Variants in MPP2 observed in about 807,000 individuals in gnomAD.
The protein encoded by MPP2 is MAGUK p55 subfamily member 2.
Under a neutral mutation model 58.5 loss-of-function variants are expected in MPP2, and 42 were observed. The ratio of observed to expected loss-of-function variants is 0.72; its 90% CI spans 0.56 to 0.93. The LOEUF (loss-of-function observed/expected upper bound fraction) is 0.93. Ranked by LOEUF, MPP2 falls within the 40% of genes least tolerant of loss-of-function variation. The pLI is 0.00. For synonymous variants in MPP2, 300 were observed against 307.8 expected (o/e 0.97, Z 0.26); for missense variants, 632 against 760.4 (o/e 0.83, Z 1.99).
intron 2 of MPP2, 87 bp from the exon 3 acceptor site, chr17:43,898,467 C>A (rs1006536702): frequency 1.3e-5 from 8 of 607,234 alleles, no homozygotes; most frequent in Middle Eastern, 4.0e-4. Flanking sequence ...CACTTCCCCA[C>A]CCCCATGTCC....
intron 3 of MPP2, among the ~76,000 whole-genome samples, chr17:43,891,464 G>A (rs371122967): frequency 1.3e-5 from 2 of 151,296 alleles, no homozygotes; most frequent in South Asian, 2.1e-4. Context: ...GCAGTGAGCC[G>A]AGATTGCACC....
intron 3 of MPP2, among the ~76,000 whole-genome samples, chr17:43,896,112 G>A (rs573133803): frequency 3.0e-4 from 45 of 152,114 alleles, no homozygotes; most frequent in African/African-American, 1.1e-3. Flanking sequence ...CAGAGTCCCC[G>A]CTCTACAGAA....
chr17:43,879,687 C>A lies in MPP2; in HGVS notation c.1353+95G>T. The A allele has an allele frequency of 7.2e-7, 1 of 1,384,074 alleles. No homozygotes were observed. The highest frequency in any genetic ancestry group is 1.0e-6 in the Non-Finnish European group (1 of 1,003,918). 85.7% of individuals were successfully genotyped at this position (1,384,074 alleles called of 1,614,324 possible). ...GTTGAGGGCAAAGGGGGTACATGGG[C>A]GTGTTCAGGTGACAGGTGTCTGGAA... On this transcript the variant is annotated intron_variant, in intron 11 of 12. Coordinates refer to ENST00000269095, the MANE Select transcript of MPP2 (RefSeq NM_005374.5). This position sits in a 1 kb window ranked among gnomAD's most constrained non-coding sequence, Gnocchi z 4.1.
chr17:43,907,690 G>C (rs2048348299), upstream of MPP2: 1 of 985,710 alleles, frequency 1.0e-6, no homozygotes, highest in South Asian at 4.7e-5. Flanking sequence ...CAGCCAGGTA[G>C]TGGTTTGGGA....
At chr17:43,881,060 G>T in intron 9 of MPP2, 30 bp downstream of exon 9, 1 of 1,611,200 alleles carries the variant, frequency 6.2e-7, no homozygotes, top group South Asian at 1.1e-5. Context: ...TGTTAGAGGA[G>T]GGTAAGGGAG....
rs780418329 is a variant in MPP2, at chr17:43,881,157, C to T, written c.921G>A (p.Gly307=). Residue 307 remains glycine, a splice_region_variant and synonymous_variant, in exon 9 of 13, where the codon GGG becomes GGA. Transcript: ENST00000269095. ...KRDLELTPNS[G]TLCGSLSGKK... Reference sequence around the variant, plus strand: ...TTCCTGAAAGGCTGCCGCATAGGGTCCCTGGCCATAGGGAGATGGGTGAGT... The same window carrying T: ...TTCCTGAAAGGCTGCCGCATAGGGTTCCTGGCCATAGGGAGATGGGTGAGT... 4.3e-6 allele frequency: 7 copies of T among 1,614,016 alleles called. No homozygotes were observed. The Admixed American group carries it at 1.2e-4, about 27-fold the overall frequency.
rs1019886813 is a variant in MPP2 at position 43,876,452 on chromosome 17, TGGCAGGGGGGCATTTAG to T, written c.*1338_*1354del. ...TTACAAAACTGCCCTCCCCAAGTTA[TGGCAGGGGGGCATTTAG>T]GGTAGGGGGACAATAAGACAAGGGA... is the stretch of plus-strand genomic sequence containing the variant. On this transcript the variant is annotated 3_prime_UTR_variant, in exon 13 of 13. Transcript: ENST00000269095. The T allele has an allele frequency of 6.6e-6, 1 of 152,192 alleles. No homozygotes were observed. The highest frequency in any genetic ancestry group is 2.4e-5 in the African/African-American group (1 of 41,426). 9.4% of individuals were successfully genotyped at this position (152,192 alleles called of 1,614,324 possible).
At chr17:43,897,074 C>G (rs934531660) in intron 3 of MPP2, among the ~76,000 whole-genome samples, 11 of 152,202 alleles carry the variant, frequency 7.2e-5, no homozygotes, top group Non-Finnish European at 4.4e-5. Flanking sequence ...GCATCTTATA[C>G]TCAATCCACT....
intron 3 of MPP2, among the ~76,000 whole-genome samples, chr17:43,889,338 T>TC (rs759546386): frequency 1.0e-4 from 15 of 150,608 alleles, no homozygotes; most frequent in Non-Finnish European, 2.1e-4. Flanking sequence ...CACTCACCCT[T>TC]CCCACTTGCA....
Position 43,875,655 on chromosome 17 carries a change from G to C in MPP2, c.*2152C>G, listed in dbSNP as rs991573393. 3 of 151,626 alleles carry C rather than the reference G, an allele frequency of 2.0e-5. No individual in the cohort carries two copies. Among genetic ancestry groups the C allele is most frequent in the African/African-American group, 7.4e-5 (3 of 40,768 alleles). The allele number at this position is 151,626 out of a possible 1,614,324, so 9.4% of individuals were successfully genotyped here. On this transcript the variant is annotated 3_prime_UTR_variant, in exon 13 of 13. Transcript: ENST00000269095. ...CAGCCTCTGCTAGGTACCTGGGAGGGCTGTGGAGTGAGGGCTCAGGCAGGG... is the reference window on the plus strand; with the variant it reads ...CAGCCTCTGCTAGGTACCTGGGAGGCCTGTGGAGTGAGGGCTCAGGCAGGG...
At chr17:43,898,460 T>G in intron 2 of MPP2, 80 bp from the exon 3 acceptor site, 12 of 772,956 alleles carry the variant, frequency 1.6e-5, no homozygotes, top group East Asian at 3.1e-5. Context: ...TACTTGCCAC[T>G]TCCCCACCCC....
rs142695047 is a variant in MPP2, at chr17:43,901,300, G to C, written c.32-2920C>G. The stretch of plus-strand genomic sequence containing the variant: ...CCTGCTTACCCCTCGCCTCACAGCA[G>C]CTTCTTCCCCTCCCCCATCTCCCAT... On this transcript the variant is annotated intron_variant, in intron 2 of 12. Transcript: ENST00000269095. 9.4e-3 allele frequency: 9,236 copies of C among 985,518 alleles called. 50 individuals carry two copies. The highest frequency in any genetic ancestry group is 0.01 in the Non-Finnish European group (8,600 of 829,978). 61.0% of individuals were successfully genotyped at this position (985,518 alleles called of 1,614,324 possible).
At chr17:43,896,875 T>C (rs1343867051) in intron 3 of MPP2, among the ~76,000 whole-genome samples, 1 of 151,374 alleles carries the variant, frequency 6.6e-6, no homozygotes, top group Non-Finnish European at 1.5e-5. Context: ...TTCCCACAGC[T>C]CCCAGCCTTG....
upstream of MPP2, chr17:43,907,567 C>G (rs1005668573): frequency 1.5e-5 from 15 of 985,376 alleles, no homozygotes; most frequent in Non-Finnish European, 1.7e-5. Context: ...GCTCTTAAAG[C>G]GGCAAGGCCT....
intron 3 of MPP2, among the ~76,000 whole-genome samples, chr17:43,894,444 TACACACACAC>T (rs201714611): frequency 2.2e-4 from 18 of 81,280 alleles, no homozygotes; most frequent in Admixed American, 3.2e-4. Flanking sequence ...TATATATATA[TACACACACAC>T]ACACACACAA....
intron 2 of MPP2, chr17:43,900,432 GC>G: frequency 1.9e-6 from 3 of 1,544,132 alleles, no homozygotes; most frequent in Middle Eastern, 3.5e-4. Flanking sequence ...AGGCTAAGGG[GC>G]CAGCTGCCCC....
chr17:43,898,169 C>T, intron 3 of MPP2, 93 bp downstream of exon 3: 3 of 968,900 alleles, frequency 3.1e-6, no homozygotes, highest in Non-Finnish European at 3.3e-6. Flanking sequence ...GCCACATGTC[C>T]CATTCCCAAA....
rs2143540688 is a variant in MPP2 at position 43,880,823 on chromosome 17, C to A, written c.1018G>T (p.Glu340Ter). 6.2e-7 allele frequency: 1 copy of A among 1,610,734 alleles called. No homozygotes were observed. Among genetic ancestry groups the A allele is most frequent in the South Asian group, 1.1e-5 (1 of 90,638 alleles). ...AACGGGGGCATGCGGGCCACCTCCT[C>A]ATAAATGAGCAGCTCATGACGGTCA... ...EFDRHELLIY[E>*]EVARMPPFRR... The change falls in exon 10 of 13, where the codon GAG becomes TAG. Residue 340 changes from glutamate to a stop codon, truncating the protein, a stop_gained. Transcript: ENST00000269095. LOFTEE classifies it high-confidence loss of function. This position sits in a 1 kb window ranked among gnomAD's most constrained non-coding sequence, Gnocchi z 5.2.
At chr17:43,890,704 G>C (rs554726377) in intron 3 of MPP2, among the ~76,000 whole-genome samples, 1 of 152,252 alleles carries the variant, frequency 6.6e-6, no homozygotes, top group Non-Finnish European at 1.5e-5. Context: ...TCAAATGTGA[G>C]CAGAGGCTTA....
Sources: gnomAD v4.1 joint callset for allele counts (sites outside exome capture counted in the v4.1 genomes callset) on GRCh38, gnomAD v4.1.1 for gene constraint, Gnocchi (gnomAD v3.1) non-coding constraint, MANE v1.5 for transcripts, NCBI Gene and HGNC (gene_info 2026-07-23, HGNC 2026-07-21) for gene names.